The following ZNF638 variants were observed in gnomAD, a reference collection of about 807,000 sequenced individuals.
The protein encoded by ZNF638 is zinc finger protein 638.
ZNF638 carries 46 observed loss-of-function variants against 195.6 expected under a neutral mutation model. That is an observed-to-expected ratio of 0.24 (90% CI 0.19 to 0.30). The LOEUF (loss-of-function observed/expected upper bound fraction) is 0.30, where lower values mean the gene tolerates loss of function less well. Ranked by LOEUF, ZNF638 falls within the 10% of genes least tolerant of loss-of-function variation. The probability of loss-of-function intolerance (pLI) is 1.00; values close to 1 mark genes in which losing one functional copy is unlikely to be tolerated. For missense variants in ZNF638, 2,440 were observed against 2,325.3 expected (o/e 1.05, Z -1.01); for synonymous variants, 845 against 772.0 (o/e 1.09, Z -1.57).
chr2:71,351,996 A>G (rs955144902), intron 2 of ZNF638, among the ~76,000 whole-genome samples: 5 of 152,210 alleles, frequency 3.3e-5, no homozygotes, highest in South Asian at 4.1e-4. Flanking sequence ...TTGTAACAGT[A>G]TGTGTTTAAA....
At chr2:71,353,335 G>T (rs1334981527) in intron 2 of ZNF638, among the ~76,000 whole-genome samples, 2 of 152,180 alleles carry the variant, frequency 1.3e-5, no homozygotes, top group Admixed American at 6.5e-5. Flanking sequence ...TTCAGTTTGA[G>T]AAAGTACCGA....
intron 7 of ZNF638, 40 bp from the exon 8 acceptor site, chr2:71,369,843 G>T: frequency 6.5e-7 from 1 of 1,542,796 alleles, no homozygotes; most frequent in Non-Finnish European, 8.7e-7. Flanking sequence ...AACTTTTAAA[G>T]ATAGATTTGT....
At chr2:71,352,702 A>G (rs568574372) in intron 2 of ZNF638, among the ~76,000 whole-genome samples, 1 of 152,256 alleles carries the variant, frequency 6.6e-6, no homozygotes, top group Admixed American at 6.5e-5. Flanking sequence ...AAGTTTGTTG[A>G]TAAGTGAAGT....
intron 8 of ZNF638, among the ~76,000 whole-genome samples, chr2:71,377,352 A>G (rs1162003147): frequency 6.6e-6 from 1 of 152,188 alleles, no homozygotes; most frequent in Admixed American, 6.5e-5. Flanking sequence ...TGCAAAAAAA[A>G]CAATTTTTAA....
In ZNF638 at chr2:71,423,090, T is replaced by A; in HGVS notation, c.3576T>A (p.Thr1192=). 4.3e-6 allele frequency: 7 copies of A among 1,614,132 alleles called. No homozygotes were observed. The highest frequency in any genetic ancestry group is 5.9e-6 in the Non-Finnish European group (7 of 1,179,996). The stretch of plus-strand genomic sequence containing the variant: ...CTTCAGTCAGTATTGAACAATTCAC[T>A]GAAAATGCCGAGGAGTGTGCTTTAA... ...ASASVSIEQF[T]ENAEECALNQ... is the part of the protein sequence containing the mutation. Residue 1192 remains threonine (T), a synonymous_variant, in exon 22 of 28, where the codon ACT becomes ACA. Coordinates refer to ENST00000264447, the MANE Select transcript of ZNF638 (RefSeq NM_014497.5).
At chr2:71,411,266 G>T (rs2080216007) in intron 20 of ZNF638, among the ~76,000 whole-genome samples, 1 of 150,870 alleles carries the variant, frequency 6.6e-6, no homozygotes, top group East Asian at 2.0e-4. Flanking sequence ...CCAAAGTGCT[G>T]GGATTACAGG....
At chr2:71,397,325 G>A (rs2079913302) in intron 11 of ZNF638, among the ~76,000 whole-genome samples, 1 of 152,162 alleles carries the variant, frequency 6.6e-6, no homozygotes, top group Admixed American at 6.5e-5. Flanking sequence ...AATATCTTAA[G>A]GGCTCACTGA....
rs747716276 is a variant in ZNF638 at position 71,388,747 on chromosome 2, G to T, written c.2378-7394G>T. 6.4e-6 allele frequency: 7 copies of T among 1,087,244 alleles called. No homozygotes were observed. In the African/African-American group the frequency reaches 1.1e-4, roughly 17 times the overall value. 67.3% of individuals were successfully genotyped at this position (1,087,244 alleles called of 1,614,324 possible). A position where few individuals can be genotyped will look rare whatever the true frequency, so the allele number is the denominator to read the frequency against. On this transcript the variant is annotated intron_variant, in intron 10 of 27. Coordinates refer to ENST00000264447, the MANE Select transcript of ZNF638 (RefSeq NM_014497.5). ...CAGTAAGTCATTGGTGCCCACTCGG[G>T]ATATCCAAGTTCAGGGGAATTCTCA...
intron 10 of ZNF638, chr2:71,388,329 CG>C: frequency 2.1e-6 from 1 of 483,900 alleles, no homozygotes; most frequent in African/African-American, 2.0e-5. Context: ...TTTGATCATC[CG>C]ACCTTTGATC....
chr2:71,425,008 G>T (rs1482663469), intron 23 of ZNF638, among the ~76,000 whole-genome samples: 2 of 152,092 alleles, frequency 1.3e-5, no homozygotes, highest in Non-Finnish European at 2.9e-5. Flanking sequence ...ATATTGACAG[G>T]AATAGGTTGT....
chr2:71,362,377 C>T (rs2079124832), intron 3 of ZNF638, among the ~76,000 whole-genome samples: 1 of 152,120 alleles, frequency 6.6e-6, no homozygotes, highest in African/African-American at 2.4e-5. Context: ...TCCAGATATT[C>T]CTTTACACTT....
chr2:71,390,579 G>C (rs576433035), intron 10 of ZNF638, among the ~76,000 whole-genome samples: 1 of 152,234 alleles, frequency 6.6e-6, no homozygotes, highest in East Asian at 1.9e-4. Context: ...TTACCGTACT[G>C]GGTCCCCAAT....
At chr2:71,397,819 G>C (rs1204776126) in intron 11 of ZNF638, among the ~76,000 whole-genome samples, 2 of 152,122 alleles carry the variant, frequency 1.3e-5, no homozygotes, top group African/African-American at 2.4e-5. Context: ...GTATCATCTT[G>C]GAAAATAGGC....
chr2:71,345,815 T>C lies in ZNF638; in HGVS notation c.-202-2938T>C, dbSNP rs546604866. ...GTGAGCTACCTCACCTGGCCTCTCA[T>C]AGACTTTAATATGCTAATAGACATT... On this transcript the variant is annotated intron_variant, in intron 1 of 27. Transcript: ENST00000264447. 4.6e-5 allele frequency among the ~76,000 whole-genome samples: 7 copies of C among 152,300 alleles called. No homozygotes were observed. The East Asian group carries it at 1.4e-3, about 29-fold the overall frequency.
At position 71,348,959 on chromosome 2, in the gene ZNF638, C is replaced by T. The variant is rs758156786; in HGVS notation, c.5C>T (p.Ser2Leu). Reference sequence around the variant, plus strand: ...CAGGCTTTCTTGAAAATAGCCATGTCGAGACCCAGGTTTAATCCTCGAGGA... The same window carrying T: ...CAGGCTTTCTTGAAAATAGCCATGTTGAGACCCAGGTTTAATCCTCGAGGA... Reference protein sequence around the residue: MSRPRFNPRGDF... With the variant: MLRPRFNPRGDF... The change falls in exon 2 of 28, where the codon TCG becomes TTG. Residue 2 changes from serine to leucine, a missense_variant. Physicochemically the swap from Ser to Leu is moderately radical, Grantham distance 145. Transcript: ENST00000264447. The T allele has an allele frequency of 7.4e-6, 12 of 1,613,992 alleles. No homozygotes were observed. Among genetic ancestry groups the T allele is most frequent in the Middle Eastern group, 1.6e-4 (1 of 6,084 alleles).
intron 25 of ZNF638, among the ~76,000 whole-genome samples, chr2:71,430,736 G>T (rs1272470146): frequency 6.6e-6 from 1 of 152,174 alleles, no homozygotes; most frequent in Non-Finnish European, 1.5e-5. Context: ...AGGCATTTCA[G>T]CTACTGAGGG....
At chr2:71,358,320 C>CATAT (rs1464980788) in intron 3 of ZNF638, among the ~76,000 whole-genome samples, 1 of 152,190 alleles carries the variant, frequency 6.6e-6, no homozygotes, top group Non-Finnish European at 1.5e-5. Flanking sequence ...GGGATTGGAA[C>CATAT]ATATATATGT....
chr2:71,416,966 A>G (rs1344374755), intron 20 of ZNF638, among the ~76,000 whole-genome samples: 1 of 150,752 alleles, frequency 6.6e-6, no homozygotes, highest in Non-Finnish European at 1.5e-5. Flanking sequence ...TGGAGCCTAC[A>G]GAGGCAGGCA....
intron 10 of ZNF638, among the ~76,000 whole-genome samples, chr2:71,387,263 A>C (rs2079660347): frequency 6.6e-6 from 1 of 152,210 alleles, no homozygotes; most frequent in South Asian, 2.1e-4. Context: ...GAGTCCAGAG[A>C]TATTTCCCAA....
Sources: allele counts gnomAD v4.1 joint callset (sites outside exome capture counted in the v4.1 genomes callset), GRCh38; gene constraint gnomAD v4.1.1; transcripts MANE v1.5; gene names NCBI Gene and HGNC (gene_info 2026-07-23, HGNC 2026-07-21).